The following FAM110B variants were observed in gnomAD, a reference collection of about 807,000 sequenced individuals.
The protein encoded by FAM110B is family with sequence similarity 110 member B.
In FAM110B, 6 loss-of-function variants were observed where a neutral mutation model predicts 20.4. That is an observed-to-expected ratio of 0.29 (90% CI 0.16 to 0.58). The LOEUF (loss-of-function observed/expected upper bound fraction) is 0.58, where lower values mean the gene tolerates loss of function less well. Ranked by LOEUF, FAM110B falls within the 20% of genes least tolerant of loss-of-function variation. FAM110B has a pLI of 0.90. For synonymous variants in FAM110B, 226 were observed against 214.1 expected (o/e 1.06, Z -0.49); for missense variants, 434 against 498.2 (o/e 0.87, Z 1.23).
intron 2 of FAM110B, among the ~76,000 whole-genome samples, chr8:58,039,543 T>C (rs1005458769): frequency 1.3e-5 from 2 of 152,210 alleles, no homozygotes; most frequent in African/African-American, 4.8e-5. Context: ...CTAGTACTCT[T>C]CTCACAATTT....
intron 1 of FAM110B, among the ~76,000 whole-genome samples, chr8:58,013,818 A>G (rs1439193607): frequency 1.3e-5 from 2 of 152,110 alleles, no homozygotes; most frequent in Non-Finnish European, 2.9e-5. Flanking sequence ...AGACTCAGGT[A>G]CTCTCAGGGA....
intron 3 of FAM110B, chr8:58,099,223 G>A (rs952992521): frequency 6.6e-6 from 1 of 152,064 alleles, no homozygotes; most frequent in African/African-American, 2.4e-5. Context: ...TAAGAAAAAT[G>A]AATGCAGGTT....
At chr8:58,065,004 A>T (rs1805733250) in intron 2 of FAM110B, among the ~76,000 whole-genome samples, 1 of 152,218 alleles carries the variant, frequency 6.6e-6, no homozygotes, top group African/African-American at 2.4e-5. Flanking sequence ...AAGACCCTAG[A>T]TGAATTTCAT....
At chr8:58,000,810 CT>C (rs1470456839) in intron 1 of FAM110B, among the ~76,000 whole-genome samples, 5 of 152,304 alleles carry the variant, frequency 3.3e-5, no homozygotes, top group African/African-American at 1.2e-4. Flanking sequence ...GTACAGTTGA[CT>C]GTGAGTTGGG....
intron 2 of FAM110B, among the ~76,000 whole-genome samples, chr8:58,047,182 A>G (rs536892976): frequency 1.1e-3 from 168 of 152,254 alleles, no homozygotes; most frequent in South Asian, 3.3e-3. Context: ...AACAGTGAAG[A>G]CTCTTTAATA....
At chr8:58,112,294 A>T (rs1238702498) in intron 3 of FAM110B, among the ~76,000 whole-genome samples, 1 of 152,212 alleles carries the variant, frequency 6.6e-6, no homozygotes, top group Non-Finnish European at 1.5e-5. Context: ...GAGCCACTGC[A>T]CTCCAGCCTG....
At chr8:58,134,898 G>C (rs192898332) in intron 3 of FAM110B, among the ~76,000 whole-genome samples, 1 of 151,740 alleles carries the variant, frequency 6.6e-6, no homozygotes, top group African/African-American at 2.4e-5. Flanking sequence ...GCTTTTTTTC[G>C]TCCTTCACCC....
chr8:58,002,036 G>A (rs1016514233), intron 1 of FAM110B, among the ~76,000 whole-genome samples: 11 of 151,978 alleles, frequency 7.2e-5, no homozygotes, highest in Admixed American at 1.3e-4. Flanking sequence ...GAGAGAGAAA[G>A]AGAGAGACAG....
chr8:57,995,826 C>T (rs941196686), intron 1 of FAM110B, among the ~76,000 whole-genome samples: 4 of 152,206 alleles, frequency 2.6e-5, no homozygotes, highest in Non-Finnish European at 5.9e-5. Context: ...TTCCTCACAG[C>T]CAACTTATGT....
chr8:58,116,088 A>G (rs1807204044), intron 3 of FAM110B, among the ~76,000 whole-genome samples: 1 of 152,212 alleles, frequency 6.6e-6, no homozygotes. Context: ...GAAGACATAC[A>G]TACGTACATA....
intron 2 of FAM110B, among the ~76,000 whole-genome samples, chr8:58,039,329 C>T (rs2150575935): frequency 6.6e-6 from 1 of 152,310 alleles, no homozygotes; most frequent in African/African-American, 2.4e-5. Context: ...GTAATGTGTC[C>T]AGTCCCTGTT....
At position 58,006,923 on chromosome 8, in the gene FAM110B, A is replaced by ATATATATTTTTTTTTTTT; in HGVS notation, c.-512+12118_-512+12119insATATATTTTTTTTTTTTT. Among the ~76,000 whole-genome samples the ATATATATTTTTTTTTTTT allele has an allele frequency of 7.5e-3, 953 of 126,332 alleles. 12 individuals carry two copies. Among genetic ancestry groups the ATATATATTTTTTTTTTTT allele is most frequent in the African/African-American group, 0.02 (649 of 32,786 alleles). The allele number at this position is 126,332 out of a possible 152,430, so 82.9% of individuals were successfully genotyped here. A position where few individuals can be genotyped will look rare whatever the true frequency, so the allele number is the denominator to read the frequency against. On this transcript the variant is annotated intron_variant, in intron 1 of 3. Transcript: ENST00000519262. ...TTGGTATATATATATATATATATAT[A>ATATATATTTTTTTTTTTT]TTTTTCCAAAACCAGAGTTTGCATT...
intron 2 of FAM110B, among the ~76,000 whole-genome samples, chr8:58,064,392 C>T (rs1488774667): frequency 7.0e-6 from 1 of 143,330 alleles, no homozygotes; most frequent in Admixed American, 6.8e-5. Context: ...TAAATGTATA[C>T]ACTTTTTTTT....
intron 3 of FAM110B, among the ~76,000 whole-genome samples, chr8:58,108,209 T>G (rs1806968985): frequency 6.6e-6 from 1 of 152,276 alleles, no homozygotes; most frequent in Non-Finnish European, 1.5e-5. Context: ...AAGGAATGAT[T>G]GAGCAACAAG....
At chr8:57,999,856 C>T (rs1804257768) in intron 1 of FAM110B, among the ~76,000 whole-genome samples, 1 of 152,094 alleles carries the variant, frequency 6.6e-6, no homozygotes, top group Non-Finnish European at 1.5e-5. Context: ...GACTTTAGAG[C>T]TGACTTCAGT....
rs372946396 is a variant in FAM110B at position 58,146,715 on chromosome 8, C to G, written c.485C>G (p.Ser162Cys). 8.6e-5 allele frequency: 138 copies of G among 1,612,324 alleles called. No individual in the cohort carries two copies. The highest frequency in any genetic ancestry group is 1.1e-4 in the Non-Finnish European group (133 of 1,179,458). Reference protein sequence around the residue: ...TDLHRHSFAESLKVYPTQGRR... With the variant: ...TDLHRHSFAECLKVYPTQGRR... Reference sequence around the variant, plus strand: ...CTGCACCGTCACTCCTTCGCGGAGTCCCTGAAGGTCTACCCCACGCAGGGC... The same window carrying G: ...CTGCACCGTCACTCCTTCGCGGAGTGCCTGAAGGTCTACCCCACGCAGGGC... The change falls in exon 4 of 4, where the codon TCC (serine) becomes TGC (cysteine). Residue 162 changes from serine (S) to cysteine (C), a missense_variant. Physicochemically the swap from Ser to Cys is moderately radical, Grantham distance 112. Transcript: ENST00000519262.
chr8:58,009,679 A>G (rs145169858), intron 1 of FAM110B, among the ~76,000 whole-genome samples: 1 of 152,340 alleles, frequency 6.6e-6, no homozygotes, highest in East Asian at 1.9e-4. Context: ...GGCTTACATT[A>G]TATTTCCATG....
intron 3 of FAM110B, among the ~76,000 whole-genome samples, chr8:58,130,554 G>C (rs1803428239): frequency 6.6e-6 from 1 of 152,170 alleles, no homozygotes; most frequent in Non-Finnish European, 1.5e-5. Context: ...CCTGAATTGT[G>C]CAATCTGTTC....
chr8:58,007,084 C>G (rs1458347048), intron 1 of FAM110B, among the ~76,000 whole-genome samples: 1 of 151,702 alleles, frequency 6.6e-6, no homozygotes, highest in African/African-American at 2.4e-5. Context: ...TCGAGTCTTC[C>G]CTCGCCCTGA....
Sources: allele counts gnomAD v4.1 joint callset (sites outside exome capture counted in the v4.1 genomes callset), GRCh38; gene constraint gnomAD v4.1.1; transcripts MANE v1.5; gene names NCBI Gene and HGNC (gene_info 2026-07-23, HGNC 2026-07-21).